BCAT1: variants seen among roughly 807,000 people sequenced by gnomAD.
BCAT1 encodes the protein branched chain amino acid transaminase 1.
A neutral mutation model predicts 52.4 loss-of-function variants in BCAT1; 48 were observed. The ratio of observed to expected loss-of-function variants is 0.92; its 90% CI spans 0.73 to 1.16. BCAT1 has a LOEUF of 1.16. BCAT1 is among the 50% of genes most tolerant of loss of function. The pLI is 0.00. For synonymous variants in BCAT1, 167 were observed against 161.3 expected (o/e 1.04, Z -0.27); for missense variants, 451 against 457.1 (o/e 0.99, Z 0.12).
chr12:24,880,883 T>A (rs925642209), intron 4 of BCAT1, among the ~76,000 whole-genome samples: 2 of 151,648 alleles, frequency 1.3e-5, no homozygotes, highest in Admixed American at 6.6e-5. Flanking sequence ...CGGCTTAGGC[T>A]GGAGGGCAGT....
intron 1 of BCAT1, chr12:24,903,281 A>G: frequency 2.4e-6 from 1 of 420,858 alleles, no homozygotes; most frequent in Non-Finnish European, 3.9e-6. Flanking sequence ...CGCGCCACGA[A>G]CGAGCGCCTT....
At chr12:24,857,008 A>G (rs968479254) in intron 5 of BCAT1, among the ~76,000 whole-genome samples, 3 of 152,058 alleles carry the variant, frequency 2.0e-5, no homozygotes, top group African/African-American at 4.8e-5. Context: ...TGAGCAGTTA[A>G]AAGCCTTTGC....
At position 24,922,422 on chromosome 12, in the gene BCAT1, A is replaced by G. The variant is rs897701387; in HGVS notation, c.7-20537T>C. Among the ~76,000 whole-genome samples, 3 of 152,210 alleles carry G rather than the reference A, an allele frequency of 2.0e-5. No homozygotes were observed. The East Asian group carries it at 5.8e-4, about 29-fold the overall frequency. On this transcript the variant is annotated intron_variant, in intron 1 of 10. Transcript: ENST00000261192. ...CTACATCCGGCCCCTAGTTTCACAC[A>G]TATTTCACCATATTTTTCATACTTA...
At chr12:24,921,017 A>G (rs911931350) in intron 1 of BCAT1, among the ~76,000 whole-genome samples, 7 of 152,124 alleles carry the variant, frequency 4.6e-5, no homozygotes, top group Non-Finnish European at 1.5e-5. Context: ...CCCTCCCAGC[A>G]TGTGAATGAA....
At chr12:24,854,053 G>C (rs551536330) in intron 5 of BCAT1, among the ~76,000 whole-genome samples, 5 of 152,258 alleles carry the variant, frequency 3.3e-5, no homozygotes, top group African/African-American at 9.6e-5. Context: ...CATATACAAG[G>C]GTTTTTAAAT....
chr12:24,842,079 T>A lies in BCAT1; in HGVS notation c.817+3A>T. On this transcript the variant is annotated splice_donor_region_variant and intron_variant, in intron 7 of 10. Transcript: ENST00000261192. The stretch of plus-strand genomic sequence containing the variant: ...TGCACACAGTGAAATCTGAGTGGAT[T>A]ACCTCCATCTTCATTTATCCAGTAA... 1 of 1,612,536 alleles carries A rather than the reference T, an allele frequency of 6.2e-7. No individual in the cohort carries two copies. The highest frequency in any genetic ancestry group is 8.5e-7 in the Non-Finnish European group (1 of 1,178,886).
At chr12:24,818,717 A>T (rs569626299) in intron 10 of BCAT1, among the ~76,000 whole-genome samples, 48 of 152,348 alleles carry the variant, frequency 3.2e-4, no homozygotes, top group African/African-American at 9.4e-4. Flanking sequence ...TTTCTTCAAA[A>T]GTTATGTAAC....
chr12:24,820,565 G>A (rs1424419874), intron 10 of BCAT1, among the ~76,000 whole-genome samples: 1 of 152,032 alleles, frequency 6.6e-6, no homozygotes, highest in Non-Finnish European at 1.5e-5. Context: ...AACAGTGCAG[G>A]CTCACACCTT....
At chr12:24,818,233 C>T (rs541820252) in intron 10 of BCAT1, among the ~76,000 whole-genome samples, 184 bp from the exon 11 acceptor site, 44 of 152,182 alleles carry the variant, frequency 2.9e-4, no homozygotes, top group South Asian at 1.2e-3. Flanking sequence ...AGAGGGACAC[C>T]ATATAAAACA....
At position 24,917,195 on chromosome 12, in the gene BCAT1, CTTTTTTT is replaced by C. The variant is rs60491814; in HGVS notation, c.7-15317_7-15311del. On this transcript the variant is annotated intron_variant, in intron 1 of 10. Transcript: ENST00000261192. ...ATCAGTTTTTCATTAGAGCTTTGGA[CTTTTTTT>C]TTTTTTTTTTTTTTTTTTGAGGCTG... is the stretch of plus-strand genomic sequence containing the variant. Among the ~76,000 whole-genome samples the C allele has an allele frequency of 3.8e-3, 394 of 103,530 alleles. 1 individual carries two copies. Among genetic ancestry groups the C allele is most frequent in the Non-Finnish European group, 6.0e-3 (327 of 54,700 alleles). 67.9% of individuals were successfully genotyped at this position (103,530 alleles called of 152,430 possible). A position where few individuals can be genotyped will look rare whatever the true frequency, so the allele number is the denominator to read the frequency against.
In BCAT1 at chr12:24,811,362, A is replaced by C. The variant is rs1939672199; in HGVS notation, c.*6646T>G. The C allele has an allele frequency of 6.6e-6, 1 of 152,204 alleles. No homozygotes were observed. Among genetic ancestry groups the C allele is most frequent in the Non-Finnish European group, 1.5e-5 (1 of 68,028 alleles). 9.4% of individuals were successfully genotyped at this position (152,204 alleles called of 1,614,324 possible). A position where few individuals can be genotyped will look rare whatever the true frequency, so the allele number is the denominator to read the frequency against. On this transcript the variant is annotated 3_prime_UTR_variant, in exon 11 of 11. Coordinates refer to ENST00000261192, the MANE Select transcript of BCAT1 (RefSeq NM_005504.7). The stretch of plus-strand genomic sequence containing the variant: ...ATGCTGATTTCATGAAACCACACAA[A>C]CAGGATTCTTTTGTTTTATTGATAA...
intron 1 of BCAT1, chr12:24,902,954 G>T: frequency 6.6e-7 from 1 of 1,508,346 alleles, no homozygotes; most frequent in Non-Finnish European, 8.8e-7. Flanking sequence ...TACCTGGCGG[G>T]CAAGGGCCGC....
chr12:24,883,432 T>C (rs1942560965), intron 3 of BCAT1, among the ~76,000 whole-genome samples: 1 of 152,040 alleles, frequency 6.6e-6, no homozygotes, highest in Non-Finnish European at 1.5e-5. Flanking sequence ...CTTTTTGAGA[T>C]TCTTCCCAAC....
intron 7 of BCAT1, among the ~76,000 whole-genome samples, chr12:24,841,675 G>T (rs1051730616): frequency 6.6e-6 from 1 of 152,120 alleles, no homozygotes; most frequent in Admixed American, 6.6e-5. Context: ...GGCCAAGGCC[G>T]GTGGATCACC....
chr12:24,812,120 T>C lies in BCAT1; in HGVS notation c.*5888A>G, dbSNP rs1598077747. 6.6e-6 allele frequency: 1 copy of C among 152,118 alleles called. No individual in the cohort carries two copies. The highest frequency in any genetic ancestry group is 1.5e-5 in the Non-Finnish European group (1 of 67,960). 9.4% of individuals were successfully genotyped at this position (152,118 alleles called of 1,614,324 possible). On this transcript the variant is annotated 3_prime_UTR_variant, in exon 11 of 11. Coordinates refer to ENST00000261192, the MANE Select transcript of BCAT1 (RefSeq NM_005504.7). Reference sequence around the variant, plus strand: ...AAAATCTGCACTCTTCAAAAACTTATTGATGAAGTACAAATTGAGGCAGAA... The same window carrying C: ...AAAATCTGCACTCTTCAAAAACTTACTGATGAAGTACAAATTGAGGCAGAA...
chr12:24,878,285 G>C (rs1262303983), intron 5 of BCAT1, among the ~76,000 whole-genome samples: 1 of 152,070 alleles, frequency 6.6e-6, no homozygotes, highest in African/African-American at 2.4e-5. Flanking sequence ...TTGATTTTGG[G>C]GTATGGTAAG....
At position 24,815,781 on chromosome 12, in the gene BCAT1, T is replaced by C. The variant is rs1939853895; in HGVS notation, c.*2227A>G. The C allele has an allele frequency of 6.6e-6, 1 of 152,240 alleles. No individual in the cohort carries two copies. Among genetic ancestry groups the C allele is most frequent in the Admixed American group, 6.5e-5 (1 of 15,280 alleles). 9.4% of individuals were successfully genotyped at this position (152,240 alleles called of 1,614,324 possible). ...TATGAAAGAAATGATACAAACATAA[T>C]GTTCTCTAACTTTCACAATGGACAA... On this transcript the variant is annotated 3_prime_UTR_variant, in exon 11 of 11. Transcript: ENST00000261192.
intron 5 of BCAT1, among the ~76,000 whole-genome samples, chr12:24,876,881 G>C (rs936795341): frequency 6.6e-6 from 1 of 151,704 alleles, no homozygotes; most frequent in Non-Finnish European, 1.5e-5. Context: ...GGGTTGATTT[G>C]TACAGCAAAC....
intron 1 of BCAT1, among the ~76,000 whole-genome samples, chr12:24,910,767 T>C (rs1207135695): frequency 2.6e-5 from 4 of 152,202 alleles, no homozygotes; most frequent in African/African-American, 9.6e-5. Flanking sequence ...GATGAAATCA[T>C]TGTTGTTTTT....
Sources: allele counts gnomAD v4.1 joint callset (sites outside exome capture counted in the v4.1 genomes callset), GRCh38; gene constraint gnomAD v4.1.1; transcripts MANE v1.5; gene names NCBI Gene and HGNC (gene_info 2026-07-23, HGNC 2026-07-21).